The following CENPE variants were observed in gnomAD, a reference collection of about 807,000 sequenced individuals.
CENPE encodes the protein centromere-associated protein E.
CENPE carries 145 observed loss-of-function variants against 336.1 expected under a neutral mutation model. The ratio of observed to expected loss-of-function variants is 0.43; its 90% CI spans 0.38 to 0.50. The LOEUF (loss-of-function observed/expected upper bound fraction) is 0.50, where lower values mean the gene tolerates loss of function less well. CENPE is among the 20% of genes least tolerant of loss of function. The pLI, the probability that CENPE is intolerant of heterozygous loss-of-function variation, is 0.00. For synonymous variants in CENPE, 1,013 were observed against 984.8 expected, an observed-to-expected ratio of 1.03 and a Z score of -0.54; for missense variants, 2,719 against 3,023.3, an observed-to-expected ratio of 0.90 and a Z score of 2.36.
At position 103,176,703 on chromosome 4, in the gene CENPE, G is replaced by A. The variant is rs188072318; in HGVS notation, c.1390+196C>T. On this transcript the variant is annotated intron_variant, in intron 14 of 48. Coordinates refer to ENST00000265148, the MANE Select transcript of CENPE (RefSeq NM_001813.3). ...GCCTCCCAAGTAGCCGGGATTACAG[G>A]CGCCTGCAACCACGCACAGCTAGTT... 2.3e-3 allele frequency among the ~76,000 whole-genome samples: 353 copies of A among 152,216 alleles called. 2 individuals carry two copies. Among genetic ancestry groups the A allele is most frequent in the African/African-American group, 8.0e-3 (332 of 41,536 alleles).
At position 103,196,764 on chromosome 4, in the gene CENPE, T is replaced by C; in HGVS notation, c.143A>G (p.Asn48Ser). 6.5e-7 allele frequency: 1 copy of C among 1,532,510 alleles called. No individual in the cohort carries two copies. The highest frequency in any genetic ancestry group is 9.0e-7 in the Non-Finnish European group (1 of 1,110,744). 94.9% of individuals were successfully genotyped at this position (1,532,510 alleles called of 1,614,324 possible). A position where few individuals can be genotyped will look rare whatever the true frequency, so the allele number is the denominator to read the frequency against. ...IYQVDGSKSF[N>S]FDRVFHGNET... The stretch of plus-strand genomic sequence containing the variant: ...TGATGCTATTATAAGCTTACCAAAA[T>C]TGAAGGATTTACTTCCATCAACTTG... The change falls in exon 2 of 49, where the codon AAT becomes AGT. Residue 48 changes from asparagine to serine, a missense_variant. Asn to Ser is a conservative substitution (Grantham distance 46). This residue lies in a region of CENPE where 106 missense variants were observed against 189.3 expected (regional missense o/e 0.56). Coordinates refer to ENST00000265148, the MANE Select transcript of CENPE (RefSeq NM_001813.3).
rs1754376585 is a variant in CENPE, at chr4:103,160,765, A to C, written c.2146T>G (p.Leu716Val). ...GKVPKDLLCN[L>V]ELEGKITDLQ... is the part of the protein sequence containing the mutation. ...TCAGTAATCTTTCCTTCCAATTCCAAATTACAGAGCAAATCTAGAAAGTTT... is the reference window on the plus strand; with the variant it reads ...TCAGTAATCTTTCCTTCCAATTCCACATTACAGAGCAAATCTAGAAAGTTT... The change falls in exon 21 of 49, where the codon TTG (leucine) becomes GTG (valine). Residue 716 changes from leucine (L) to valine (V), a missense_variant. Coordinates refer to ENST00000265148, the MANE Select transcript of CENPE (RefSeq NM_001813.3). 6.3e-7 allele frequency: 1 copy of C among 1,596,952 alleles called. No homozygotes were observed. The highest frequency in any genetic ancestry group is 8.5e-7 in the Non-Finnish European group (1 of 1,172,608).
Position 103,160,642 on chromosome 4 carries a change from C to G in CENPE, c.2269G>C (p.Glu757Gln), listed in dbSNP as rs762071659. ...SELKSLPSEV[E>Q]RLRKEIQDKS... is the part of the protein sequence containing the mutation. Reference sequence around the variant, plus strand: ...GTGTTTACCTCTTTCCTCAGCCTTTCTACTTCAGAAGGTAAAGATTTCAAT... The same window carrying G: ...GTGTTTACCTCTTTCCTCAGCCTTTGTACTTCAGAAGGTAAAGATTTCAAT... Residue 757 changes from glutamate to glutamine, a missense_variant, in exon 21 of 49, where the codon GAA (glutamate) becomes CAA (glutamine). Physicochemically the swap from Glu to Gln is conservative, Grantham distance 29. This residue lies in a region of CENPE where 2,437 missense variants were observed against 2,513.3 expected (regional missense o/e 0.97). Transcript: ENST00000265148. 15 of 1,608,434 alleles carry G rather than the reference C, an allele frequency of 9.3e-6. No homozygotes were observed. The highest frequency in any genetic ancestry group is 1.7e-5 in the Admixed American group (1 of 58,908).
In CENPE at chr4:103,145,453, G is replaced by C. The variant is rs1278063589; in HGVS notation, c.4572+70C>G. 7 of 1,434,990 alleles carry C rather than the reference G, an allele frequency of 4.9e-6. No individual in the cohort carries two copies. In the South Asian group the frequency reaches 6.7e-5, roughly 14 times the overall value. The allele number at this position is 1,434,990 out of a possible 1,614,324, so 88.9% of individuals were successfully genotyped here. A position where few individuals can be genotyped will look rare whatever the true frequency, so the allele number is the denominator to read the frequency against. On this transcript the variant is annotated intron_variant, in intron 31 of 48. Transcript: ENST00000265148. Reference sequence around the variant, plus strand: ...AAACAATTAAGCATGCCAAATAGTAGTCTTCATAATTCAGTTAGCTACTCC... The same window carrying C: ...AAACAATTAAGCATGCCAAATAGTACTCTTCATAATTCAGTTAGCTACTCC...
intron 48 of CENPE, among the ~76,000 whole-genome samples, chr4:103,108,244 CT>C (rs769449653): frequency 0.031 from 4,403 of 143,032 alleles, 157 homozygotes; most frequent in African/African-American, 0.09. Flanking sequence ...TATAATTTCA[CT>C]TTTTTTTTTT....
intron 18 of CENPE, among the ~76,000 whole-genome samples, chr4:103,162,554 G>A (rs1051178029): frequency 8.0e-5 from 12 of 150,142 alleles, no homozygotes; most frequent in Admixed American, 4.0e-4. Context: ...AAAAAAATTC[G>A]GAATTTTAAA....
chr4:103,134,635 C>CAAAAAAAAAAAAAAAAAAAA (rs36085712), intron 40 of CENPE, among the ~76,000 whole-genome samples: 1 of 64,772 alleles, frequency 1.5e-5, no homozygotes, highest in Non-Finnish European at 2.9e-5. Flanking sequence ...GACTCCGTCT[C>CAAAAAAAAAAAAAAAAAAAA]AAAAAAAAAA....
chr4:103,117,965 T>C (rs1415068948), intron 44 of CENPE, among the ~76,000 whole-genome samples: 1 of 152,226 alleles, frequency 6.6e-6, no homozygotes, highest in Admixed American at 6.5e-5. Context: ...TATTCCACTG[T>C]ATGAATGTAC....
In CENPE at chr4:103,158,691, C is replaced by A. The variant is rs144716013; in HGVS notation, c.2797G>T (p.Asp933Tyr). 1.7e-4 allele frequency: 270 copies of A among 1,612,466 alleles called. No homozygotes were observed. Among genetic ancestry groups the A allele is most frequent in the African/African-American group, 8.0e-5 (6 of 74,776 alleles). The stretch of plus-strand genomic sequence containing the variant: ...AAGCTTTCTTGGAGTTGTTTTAGAT[C>A]ATCTTTTTCTTGAGTTAAAGTTTTT... ...EVKTLTQEKD[D>Y]LKQLQESLQI... The change falls in exon 23 of 49, where the codon GAT becomes TAT. Residue 933 changes from aspartate to tyrosine, a missense_variant. Asp to Tyr is a radical substitution (Grantham distance 160). Around this residue, in one of 5 missense-constraint regions of CENPE, gnomAD observed 2,437 missense variants for 2,513.3 expected, o/e 0.97. Transcript: ENST00000265148.
chr4:103,167,357 A>C (rs756098682), intron 16 of CENPE, among the ~76,000 whole-genome samples: 3 of 152,198 alleles, frequency 2.0e-5, no homozygotes, highest in African/African-American at 4.8e-5. Context: ...CCCTTCCCAT[A>C]GATGCTTTTA....
intron 45 of CENPE, 21 bp from the exon 46 acceptor site, chr4:103,114,573 A>G (rs1749909649): frequency 1.4e-6 from 2 of 1,479,232 alleles, no homozygotes; most frequent in South Asian, 2.3e-5. Flanking sequence ...CAATAAAAAT[A>G]TGTAAAAAGC....
At chr4:103,188,353 C>G (rs1756991290) in intron 8 of CENPE, among the ~76,000 whole-genome samples, 1 of 152,136 alleles carries the variant, frequency 6.6e-6, no homozygotes, top group African/African-American at 2.4e-5. Context: ...TTCTTCTCAG[C>G]ACATCACACT....
chr4:103,144,386 G>C lies in CENPE; in HGVS notation c.5090C>G (p.Thr1697Ser). 1 of 1,613,402 alleles carries C rather than the reference G, an allele frequency of 6.2e-7. No homozygotes were observed. The highest frequency in any genetic ancestry group is 8.5e-7 in the Non-Finnish European group (1 of 1,179,792). The change falls in exon 33 of 49, where the codon ACT becomes AGT. Residue 1697 changes from threonine (T) to serine (S), a missense_variant. Around this residue, in one of 5 missense-constraint regions of CENPE, gnomAD observed 2,437 missense variants for 2,513.3 expected, o/e 0.97. Transcript: ENST00000265148. ...ERDDLRSVEE[T>S]LKVERDQLKE... ...GAGCTGGTCTCTCTCTACTTTGAGA[G>C]TCTCCTCCACACTCCTAAGGTCATC...
Position 103,187,591 on chromosome 4 carries a change from C to G in CENPE, c.694-1730G>C, listed in dbSNP as rs529603970. 8.4e-4 allele frequency among the ~76,000 whole-genome samples: 128 copies of G among 152,260 alleles called. 4 individuals carry two copies. In the South Asian group the frequency reaches 0.025, roughly 30 times the overall value. On this transcript the variant is annotated intron_variant, in intron 8 of 48. Transcript: ENST00000265148. ...AGAAATAAAATACTTTACAGACAAGCAAATGCTGAGAGATTTTGTCACCAC... is the reference window on the plus strand; with the variant it reads ...AGAAATAAAATACTTTACAGACAAGGAAATGCTGAGAGATTTTGTCACCAC...
At chr4:103,135,829 G>A (rs968233849) in intron 40 of CENPE, among the ~76,000 whole-genome samples, 6 of 152,068 alleles carry the variant, frequency 3.9e-5, no homozygotes, top group African/African-American at 9.7e-5. Flanking sequence ...TATTTAGTAC[G>A]TCATATAACT....
chr4:103,151,457 T>A (rs904169142), intron 25 of CENPE, 80 bp from the exon 26 acceptor site: 2 of 1,056,370 alleles, frequency 1.9e-6, no homozygotes, highest in African/African-American at 3.3e-5. Flanking sequence ...AGCATTTCTC[T>A]CAGTCTGCAA....
chr4:103,122,921 C>T lies in CENPE; in HGVS notation c.7093G>A (p.Asp2365Asn). The change falls in exon 43 of 49, where the codon GAC becomes AAC. Residue 2365 changes from aspartate (D) to asparagine (N), a missense_variant. This residue lies in a region of CENPE where 2,437 missense variants were observed against 2,513.3 expected (regional missense o/e 0.97). Transcript: ENST00000265148. ...GATGTAACATGAGGATTCTTATTGT[C>T]TTGTGTGGTAGGATTAACCTGGGCA... ...SGAQVNPTTQ[D>N]NKNPHVTSRA... 1 of 1,613,862 alleles carries T rather than the reference C, an allele frequency of 6.2e-7. No homozygotes were observed. Among genetic ancestry groups the T allele is most frequent in the East Asian group, 2.2e-5 (1 of 44,850 alleles).
In CENPE at chr4:103,194,753, G is replaced by A. The variant is rs954221563; in HGVS notation, c.478-69C>T. 1.1e-4 allele frequency: 129 copies of A among 1,166,964 alleles called. No individual in the cohort carries two copies. In the Middle Eastern group the frequency reaches 2.0e-3, roughly 18 times the overall value. 72.3% of individuals were successfully genotyped at this position (1,166,964 alleles called of 1,614,324 possible). A position where few individuals can be genotyped will look rare whatever the true frequency, so the allele number is the denominator to read the frequency against. ...ACAAGTTTGCTTTTCAAAAGAAGGTGCAAACTATTATAGAATTCATTTGTG... is the reference window on the plus strand; with the variant it reads ...ACAAGTTTGCTTTTCAAAAGAAGGTACAAACTATTATAGAATTCATTTGTG... On this transcript the variant is annotated intron_variant, in intron 5 of 48. Transcript: ENST00000265148.
At position 103,105,952 on chromosome 4, in the gene CENPE, A is replaced by G. The variant is rs576508066; in HGVS notation, c.*270T>C. 2.0e-5 allele frequency: 5 copies of G among 244,810 alleles called. No homozygotes were observed. In the South Asian group the frequency reaches 6.9e-4, roughly 34 times the overall value. 15.2% of individuals were successfully genotyped at this position (244,810 alleles called of 1,614,324 possible). A position where few individuals can be genotyped will look rare whatever the true frequency, so the allele number is the denominator to read the frequency against. The stretch of plus-strand genomic sequence containing the variant: ...TGTAGATAACTTTACATTTCTTTCA[A>G]TAACTTTATTCTTTACAAAATATAC... On this transcript the variant is annotated 3_prime_UTR_variant, in exon 49 of 49. Coordinates refer to ENST00000265148, the MANE Select transcript of CENPE (RefSeq NM_001813.3).
Sources: gnomAD v4.1 joint callset for allele counts (sites outside exome capture counted in the v4.1 genomes callset) on GRCh38, gnomAD v4.1.1 for gene constraint, gnomAD v4.1.1 regional missense constraint, MANE v1.5 for transcripts, NCBI Gene and HGNC (gene_info 2026-07-23, HGNC 2026-07-21) for gene names.